The following TBC1D1 variants were observed in gnomAD, a reference collection of about 807,000 sequenced individuals.
TBC1D1 encodes the protein TBC1 (tre-2/USP6, BUB2, cdc16) domain family, member 1.
Under a neutral mutation model 125.6 loss-of-function variants are expected in TBC1D1, and 89 were observed. The ratio of observed to expected loss-of-function variants is 0.71; its 90% CI spans 0.60 to 0.85. The LOEUF (loss-of-function observed/expected upper bound fraction) is 0.85. Among genes scored for constraint, TBC1D1 ranks in the 40% least tolerant of loss-of-function variants. The probability of loss-of-function intolerance (pLI) is 0.00; values close to 1 mark genes in which losing one functional copy is unlikely to be tolerated. For missense variants in TBC1D1, 1,377 were observed against 1,469.2 expected, an observed-to-expected ratio of 0.94 and a Z score of 1.03; for synonymous variants, 565 against 564.1, an observed-to-expected ratio of 1.00 and a Z score of -0.02.
intron 13 of TBC1D1, among the ~76,000 whole-genome samples, chr4:38,093,689 T>TTTATTA (rs71658756): frequency 8.6e-5 from 13 of 150,536 alleles, no homozygotes; most frequent in East Asian, 5.9e-4. Flanking sequence ...CCGGCTAATT[T>TTTATTA]TTATTATTAG....
rs780311863 is a variant in TBC1D1 at position 38,014,632 on chromosome 4, G to C, written c.541G>C (p.Val181Leu). The C allele has an allele frequency of 1.9e-6, 3 of 1,613,384 alleles. No individual in the cohort carries two copies. The highest frequency in any genetic ancestry group is 1.7e-5 in the Admixed American group (1 of 60,022). Residue 181 changes from valine to leucine, a missense_variant, in exon 3 of 20, where the codon GTG becomes CTG. Val to Leu is a conservative substitution (Grantham distance 32). Around this residue, in one of 3 missense-constraint regions of TBC1D1, gnomAD observed 822 missense variants for 824.6 expected, o/e 1.00. Coordinates refer to ENST00000261439, the MANE Select transcript of TBC1D1 (RefSeq NM_015173.4). This position sits in a 1 kb window ranked among gnomAD's most constrained non-coding sequence, Gnocchi z 5.1. ...GTTCGAGGTGCTCTTCTGCGGCCGCGTGACGGTGGCGCACAAGAAGGCTCC... is the reference window on the plus strand; with the variant it reads ...GTTCGAGGTGCTCTTCTGCGGCCGCCTGACGGTGGCGCACAAGAAGGCTCC...
chr4:38,012,933 A>G (rs1741822755), intron 2 of TBC1D1, among the ~76,000 whole-genome samples: 1 of 152,164 alleles, frequency 6.6e-6, no homozygotes, highest in African/African-American at 2.4e-5. Flanking sequence ...AGCTGGGATT[A>G]CAGGCACCTG....
intron 2 of TBC1D1, chr4:38,006,846 T>G (rs1035234895): frequency 2.0e-6 from 1 of 511,438 alleles, no homozygotes; most frequent in Non-Finnish European, 3.9e-6. Context: ...CCACGAAGCT[T>G]CTTTTGTCAT....
At chr4:38,054,057 G>A in intron 11 of TBC1D1, 142 bp from the exon 14 acceptor site, 1 of 910,862 alleles carries the variant, frequency 1.1e-6, no homozygotes, top group East Asian at 2.5e-5. Flanking sequence ...CCCACTGTGA[G>A]CTTGATATAA....
intron 1 of TBC1D1, among the ~76,000 whole-genome samples, chr4:37,898,248 T>C (rs1715061117): frequency 6.6e-6 from 1 of 152,182 alleles, no homozygotes; most frequent in South Asian, 2.1e-4. Flanking sequence ...CTCTTAAATA[T>C]GGTGATTGGG....
intron 1 of TBC1D1, among the ~76,000 whole-genome samples, 186 bp from the exon 2 acceptor site, chr4:37,901,817 T>C (rs1382290799): frequency 6.7e-6 from 1 of 149,896 alleles, no homozygotes; most frequent in Non-Finnish European, 1.5e-5. Flanking sequence ...GTGTGACAGT[T>C]ATGCCATAAC....
At chr4:38,094,604 G>C (rs1361171656) in intron 13 of TBC1D1, among the ~76,000 whole-genome samples, 2 of 152,188 alleles carry the variant, frequency 1.3e-5, no homozygotes, top group Non-Finnish European at 2.9e-5. Context: ...GATGTTTGTG[G>C]ATTGAGCCTT....
chr4:37,967,404 A>G (rs971342260), intron 2 of TBC1D1, among the ~76,000 whole-genome samples: 1 of 151,878 alleles, frequency 6.6e-6, no homozygotes, highest in African/African-American at 2.4e-5. Flanking sequence ...CTGAGGCAGG[A>G]GAATCGCTTG....
At position 38,055,228 on chromosome 4, in the gene TBC1D1, A is replaced by G. The variant is rs528330925; in HGVS notation, c.2050+890A>G. On this transcript the variant is annotated intron_variant, in intron 12 of 19. Transcript: ENST00000261439. Reference sequence around the variant, plus strand: ...GATGGTCGCCTGACATTGCTGGTGCATATCTGGAAAGGGCCCTCTCCTGCC... The same window carrying G: ...GATGGTCGCCTGACATTGCTGGTGCGTATCTGGAAAGGGCCCTCTCCTGCC... Among the ~76,000 whole-genome samples the G allele has an allele frequency of 4.6e-5, 7 of 152,144 alleles. No homozygotes were observed. The South Asian group carries it at 1.2e-3, about 27-fold the overall frequency.
intron 13 of TBC1D1, among the ~76,000 whole-genome samples, chr4:38,092,480 C>G (rs551778851): frequency 6.6e-6 from 1 of 152,144 alleles, no homozygotes; most frequent in East Asian, 1.9e-4. Flanking sequence ...CCTGTAATCC[C>G]AGCACTTTGG....
At chr4:37,971,590 T>C (rs915532810) in intron 2 of TBC1D1, among the ~76,000 whole-genome samples, 21 of 152,066 alleles carry the variant, frequency 1.4e-4, no homozygotes, top group African/African-American at 5.1e-4. Context: ...GAGATTTGGG[T>C]GGGGACACAG....
At chr4:37,986,809 G>A (rs1354693069) in intron 2 of TBC1D1, among the ~76,000 whole-genome samples, 3 of 151,798 alleles carry the variant, frequency 2.0e-5, no homozygotes, top group Non-Finnish European at 4.4e-5. Flanking sequence ...AAATGAGCAA[G>A]GAGAGGAAGC....
intron 12 of TBC1D1, among the ~76,000 whole-genome samples, chr4:38,071,706 A>C (rs1754736351): frequency 3.3e-5 from 5 of 152,192 alleles, no homozygotes; most frequent in Admixed American, 3.3e-4. Context: ...GGCACACTGT[A>C]GGTTCTCAGA....
chr4:37,893,734 G>A (rs1345601077), intron 1 of TBC1D1, among the ~76,000 whole-genome samples: 1 of 152,182 alleles, frequency 6.6e-6, no homozygotes, highest in Non-Finnish European at 1.5e-5. Context: ...GCTGAGACAG[G>A]AGAATCGCTT....
intron 2 of TBC1D1, among the ~76,000 whole-genome samples, chr4:38,002,051 C>T (rs1739188490): frequency 6.6e-6 from 1 of 152,170 alleles, no homozygotes; most frequent in Admixed American, 6.5e-5. Flanking sequence ...TTAAGAATCT[C>T]TGCTTCAGTC....
At chr4:38,019,947 A>G (rs1375670805) in intron 4 of TBC1D1, among the ~76,000 whole-genome samples, 1 of 152,124 alleles carries the variant, frequency 6.6e-6, no homozygotes, top group Non-Finnish European at 1.5e-5. Flanking sequence ...GTGTTTCTTC[A>G]TGAATCTCTG....
intron 2 of TBC1D1, among the ~76,000 whole-genome samples, chr4:37,914,747 C>T (rs991907682): frequency 6.6e-6 from 1 of 152,230 alleles, no homozygotes; most frequent in African/African-American, 2.4e-5. Flanking sequence ...GCTCTCTGGA[C>T]TCCAGCCACC....
chr4:38,074,870 C>T (rs374104373), intron 12 of TBC1D1, among the ~76,000 whole-genome samples: 2 of 151,916 alleles, frequency 1.3e-5, no homozygotes, highest in Admixed American at 1.3e-4. Flanking sequence ...AAATGATTCT[C>T]CTGCCTCAGC....
At position 38,118,013 on chromosome 4, in the gene TBC1D1, T is replaced by C. The variant is rs754449826; in HGVS notation, c.2803-20T>C. On this transcript the variant is annotated intron_variant, in intron 16 of 19. Transcript: ENST00000261439. ...GTGGCAGATCCCTAATTCTCAGCCC[T>C]TGTGGCTGTCTTCCTGCAGATCCAG... is the stretch of plus-strand genomic sequence containing the variant. The C allele has an allele frequency of 2.5e-6, 4 of 1,613,312 alleles. No homozygotes were observed. The highest frequency in any genetic ancestry group is 2.2e-5 in the South Asian group (2 of 91,026).
Sources: allele counts gnomAD v4.1 joint callset (sites outside exome capture counted in the v4.1 genomes callset), GRCh38; gene constraint gnomAD v4.1.1; regional missense constraint gnomAD v4.1.1; non-coding constraint Gnocchi (gnomAD v3.1); transcripts MANE v1.5; gene names NCBI Gene and HGNC (gene_info 2026-07-23, HGNC 2026-07-21).